The following CTIF variants were observed in gnomAD, a reference collection of about 807,000 sequenced individuals.
CTIF encodes CBP80/20-dependent translation initiation factor.
CTIF carries 21 observed loss-of-function variants against 66.0 expected under a neutral mutation model. The ratio of observed to expected loss-of-function variants is 0.32; its 90% confidence interval spans 0.23 to 0.46. The LOEUF is 0.46. Ranked by LOEUF, CTIF falls within the 20% of genes least tolerant of loss-of-function variation. The pLI, the probability that CTIF is intolerant of heterozygous loss-of-function variation, is 1.00. For missense variants in CTIF, 739 were observed against 812.7 expected (o/e 0.91, Z 1.10); for synonymous variants, 345 against 326.4 (o/e 1.06, Z -0.62).
At chr18:48,744,152 C>A (rs2092576582) in intron 7 of CTIF, among the ~76,000 whole-genome samples, 1 of 152,148 alleles carries the variant, frequency 6.6e-6, no homozygotes, top group Non-Finnish European at 1.5e-5. Flanking sequence ...CACTCAAGTT[C>A]CATTAGGGAT....
chr18:48,718,578 G>T (rs764974373), intron 7 of CTIF, among the ~76,000 whole-genome samples: 3 of 152,138 alleles, frequency 2.0e-5, no homozygotes, highest in Non-Finnish European at 4.4e-5. Context: ...CTCAAGAAGA[G>T]GGAGTGAAGT....
intron 3 of CTIF, among the ~76,000 whole-genome samples, chr18:48,657,731 C>T (rs1240769628): frequency 1.3e-5 from 2 of 152,128 alleles, no homozygotes; most frequent in African/African-American, 2.4e-5. Context: ...GGAAGGAAGA[C>T]TCATGGGAGT....
chr18:48,614,337 T>C (rs1205291974), intron 1 of CTIF, among the ~76,000 whole-genome samples: 1 of 152,208 alleles, frequency 6.6e-6, no homozygotes, highest in East Asian at 1.9e-4. Flanking sequence ...CTTAAAAATG[T>C]GTTGGAACTT....
rs536575310 is a variant in CTIF, at chr18:48,736,689, T to C, written c.585-21230T>C. 3.3e-5 allele frequency among the ~76,000 whole-genome samples: 5 copies of C among 152,328 alleles called. No homozygotes were observed. The South Asian group carries it at 1.0e-3, about 32-fold the overall frequency. On this transcript the variant is annotated intron_variant, in intron 7 of 11. Transcript: ENST00000256413. ...GTGGAAGAGAGAATAAAAGCAACTC[T>C]TGTGGGTCAGGAAGTTTCTGGACCT... is the stretch of plus-strand genomic sequence containing the variant.
At position 48,852,072 on chromosome 18, in the gene CTIF, A is replaced by T. The variant is rs531927487; in HGVS notation, c.1528-5516A>T. On this transcript the variant is annotated intron_variant, in intron 10 of 11. Coordinates refer to ENST00000256413, the MANE Select transcript of CTIF (RefSeq NM_014772.3). The stretch of plus-strand genomic sequence containing the variant: ...CATAGTGAGATCTCGTCTCTAGTAA[A>T]AAATTTTTTAAAAATTAGCCAGACA... Among the ~76,000 whole-genome samples the T allele has an allele frequency of 5.9e-5, 9 of 151,582 alleles. No homozygotes were observed. The South Asian group carries it at 1.9e-3, about 32-fold the overall frequency.
intron 1 of CTIF, among the ~76,000 whole-genome samples, chr18:48,592,355 G>A (rs1162497083): frequency 6.6e-6 from 1 of 152,090 alleles, no homozygotes; most frequent in East Asian, 1.9e-4. Context: ...AAATTAGCTG[G>A]GTGTGGTGGC....
In CTIF at chr18:48,711,584, T is replaced by C. The variant is rs761921188; in HGVS notation, c.508-35T>C. The C allele has an allele frequency of 5.1e-6, 8 of 1,567,130 alleles. No homozygotes were observed. The East Asian group carries it at 1.8e-4, about 35-fold the overall frequency. On this transcript the variant is annotated intron_variant, in intron 6 of 11. Coordinates refer to ENST00000256413, the MANE Select transcript of CTIF (RefSeq NM_014772.3). The stretch of plus-strand genomic sequence containing the variant: ...AGGTGCTTTGCTCTCTTTCAGGAGT[T>C]ACTAATGATCCCCCTTCCTCCCCCC...
chr18:48,589,981 C>T (rs967864511), intron 1 of CTIF, among the ~76,000 whole-genome samples: 9 of 152,246 alleles, frequency 5.9e-5, no homozygotes, highest in Admixed American at 1.3e-4. Context: ...TAGGCCTGCC[C>T]CTGCTTTCCT....
At chr18:48,810,516 G>C (rs1016468294) in intron 9 of CTIF, among the ~76,000 whole-genome samples, 5 of 152,008 alleles carry the variant, frequency 3.3e-5, no homozygotes, top group African/African-American at 1.2e-4. Context: ...CATAGTCCCA[G>C]TATGTAACCT....
chr18:48,577,577 T>TTTTG (rs57169767), intron 1 of CTIF, among the ~76,000 whole-genome samples: 25,343 of 152,000 alleles, frequency 0.17, 3,265 homozygotes, highest in African/African-American at 0.36. Flanking sequence ...TTCTTGTTTC[T>TTTTG]TTTGTTTGTT....
chr18:48,559,024 T>C lies in CTIF; in HGVS notation c.-29+19712T>C, dbSNP rs141495105. ...ATCACCTGTAGCACTGGACTCAGCA[T>C]TTTTAGACTAGAATATCCTCTCCCG... On this transcript the variant is annotated intron_variant, in intron 1 of 11. Coordinates refer to ENST00000256413, the MANE Select transcript of CTIF (RefSeq NM_014772.3). 1.1e-3 allele frequency among the ~76,000 whole-genome samples: 174 copies of C among 152,316 alleles called. 6 individuals carry two copies. Among genetic ancestry groups the C allele is most frequent in the Admixed American group, 9.7e-3 (149 of 15,302 alleles).
At chr18:48,819,118 C>T (rs1027166677) in intron 10 of CTIF, among the ~76,000 whole-genome samples, 1 of 152,206 alleles carries the variant, frequency 6.6e-6, no homozygotes, top group Non-Finnish European at 1.5e-5. Context: ...ACCCATGAGC[C>T]TCTGCCACTC....
chr18:48,704,000 A>G (rs780465079), intron 6 of CTIF, among the ~76,000 whole-genome samples: 1 of 152,188 alleles, frequency 6.6e-6, no homozygotes, highest in Non-Finnish European at 1.5e-5. Flanking sequence ...GGGGAAGCGT[A>G]GTGGTCACTG....
chr18:48,763,764 G>A (rs1909241294), intron 9 of CTIF, among the ~76,000 whole-genome samples: 1 of 152,148 alleles, frequency 6.6e-6, no homozygotes, highest in African/African-American at 2.4e-5. Flanking sequence ...TACTGGAGAT[G>A]AGCCGGGGTC....
chr18:48,666,672 G>A (rs2091440640), intron 5 of CTIF, among the ~76,000 whole-genome samples: 1 of 152,198 alleles, frequency 6.6e-6, no homozygotes, highest in Non-Finnish European at 1.5e-5. Flanking sequence ...GGTGAAGAGG[G>A]AGAGATGGCT....
intron 3 of CTIF, among the ~76,000 whole-genome samples, chr18:48,639,039 G>A (rs1207853288): frequency 6.6e-6 from 1 of 152,218 alleles, no homozygotes; most frequent in African/African-American, 2.4e-5. Context: ...AGTGGAAGAG[G>A]GGCTGGGCCA....
intron 10 of CTIF, among the ~76,000 whole-genome samples, chr18:48,818,696 C>G (rs1448348668): frequency 1.3e-5 from 2 of 152,054 alleles, no homozygotes; most frequent in African/African-American, 4.8e-5. Flanking sequence ...CACAGCAGCC[C>G]TTCACTGGGA....
chr18:48,839,392 T>C (rs1015909205), intron 10 of CTIF, among the ~76,000 whole-genome samples: 2 of 152,178 alleles, frequency 1.3e-5, no homozygotes, highest in Admixed American at 6.5e-5. Flanking sequence ...TTCCCGTCAC[T>C]GACCCCACAG....
intron 3 of CTIF, among the ~76,000 whole-genome samples, chr18:48,642,695 A>G (rs925919519): frequency 6.6e-6 from 1 of 152,202 alleles, no homozygotes; most frequent in Admixed American, 6.5e-5. Flanking sequence ...ATCAGTCAGG[A>G]TAGCCTAGAT....
Sources: allele counts gnomAD v4.1 joint callset (sites outside exome capture counted in the v4.1 genomes callset), GRCh38; gene constraint gnomAD v4.1.1; transcripts MANE v1.5; gene names NCBI Gene and HGNC (gene_info 2026-07-23, HGNC 2026-07-21).